AURKA: variants seen among roughly 807,000 people sequenced by gnomAD.
AURKA encodes aurora 2.
In AURKA, 12 loss-of-function variants were observed where a neutral mutation model predicts 40.9. The observed-to-expected ratio is 0.29, with a 90% confidence interval of 0.19 to 0.48. The LOEUF is 0.48. AURKA is among the 20% of genes least tolerant of loss of function. The pLI, the probability that AURKA is intolerant of heterozygous loss-of-function variation, is 0.99. For missense variants in AURKA, 322 were observed against 462.1 expected, an observed-to-expected ratio of 0.70 and a Z score of 2.78; for synonymous variants, 170 against 164.3, an observed-to-expected ratio of 1.03 and a Z score of -0.26.
chr20:56,387,967 C>G (rs1415834709), intron 2 of AURKA, among the ~76,000 whole-genome samples, 189 bp downstream of exon 2: 2 of 152,022 alleles, frequency 1.3e-5, no homozygotes, highest in Non-Finnish European at 2.9e-5. Context: ...TAAGACAAAG[C>G]AGAACAAAAA....
intron 3 of AURKA, 55 bp from the exon 4 acceptor site, chr20:56,384,379 A>C: frequency 7.6e-7 from 1 of 1,308,846 alleles, no homozygotes; most frequent in Non-Finnish European, 1.1e-6. Context: ...GGATAAGCTA[A>C]GCTGTGAATA....
chr20:56,384,357 A>G, intron 3 of AURKA, 33 bp from the exon 4 acceptor site: 9 of 1,491,034 alleles, frequency 6.0e-6, no homozygotes, highest in Non-Finnish European at 8.4e-6. Context: ...CTGTTTTTAG[A>G]ATAACTATAT....
At chr20:56,386,836 T>C (rs990395353) in intron 2 of AURKA, among the ~76,000 whole-genome samples, 26 of 152,198 alleles carry the variant, frequency 1.7e-4, no homozygotes, top group African/African-American at 6.0e-4. Flanking sequence ...AAATAGACAC[T>C]ACATTGCTAT....
At chr20:56,374,732 G>A (rs921579620) in intron 6 of AURKA, among the ~76,000 whole-genome samples, 5 of 151,918 alleles carry the variant, frequency 3.3e-5, no homozygotes, top group East Asian at 1.9e-4. Context: ...CACTGCACCC[G>A]ACCGAATTAC....
chr20:56,390,330 A>G (rs1447879321), intron 1 of AURKA, among the ~76,000 whole-genome samples: 1 of 142,458 alleles, frequency 7.0e-6, no homozygotes, highest in Non-Finnish European at 1.5e-5. Flanking sequence ...TTTTTGAGAT[A>G]GAGTTTGCTC....
intron 6 of AURKA, among the ~76,000 whole-genome samples, chr20:56,379,606 C>T (rs1384966077): frequency 1.3e-5 from 2 of 152,120 alleles, no homozygotes; most frequent in Non-Finnish European, 2.9e-5. Context: ...AGAAGTGGTT[C>T]GATTCTAGGA....
chr20:56,380,453 G>A (rs989421812), intron 6 of AURKA, among the ~76,000 whole-genome samples: 1 of 151,692 alleles, frequency 6.6e-6, no homozygotes, highest in African/African-American at 2.4e-5. Flanking sequence ...TAGCTCAAGA[G>A]ATAAAATAAA....
At chr20:56,378,359 C>A (rs1392281444) in intron 6 of AURKA, among the ~76,000 whole-genome samples, 1 of 152,192 alleles carries the variant, frequency 6.6e-6, no homozygotes, top group African/African-American at 2.4e-5. Context: ...ATAGACTCCA[C>A]TCATCTCCAA....
At chr20:56,377,440 A>G (rs1253640818) in intron 6 of AURKA, among the ~76,000 whole-genome samples, 1 of 152,206 alleles carries the variant, frequency 6.6e-6, no homozygotes, top group East Asian at 1.9e-4. Flanking sequence ...AAAAAGAGCA[A>G]AAGATTTCAA....
intron 1 of AURKA, among the ~76,000 whole-genome samples, chr20:56,389,322 C>G (rs138016681): frequency 6.6e-6 from 1 of 152,286 alleles, no homozygotes; most frequent in Non-Finnish European, 1.5e-5. Context: ...GCCCTAGTCT[C>G]TCCTTGGACT....
At chr20:56,390,390 C>T (rs2146222534) in intron 1 of AURKA, among the ~76,000 whole-genome samples, 1 of 152,006 alleles carries the variant, frequency 6.6e-6, no homozygotes, top group South Asian at 2.1e-4. Context: ...CACCCGCAAC[C>T]TCCACCTCCT....
intron 6 of AURKA, among the ~76,000 whole-genome samples, chr20:56,375,036 A>G (rs1984742656): frequency 6.6e-6 from 1 of 152,194 alleles, no homozygotes; most frequent in African/African-American, 2.4e-5. Flanking sequence ...CAACAAGAGT[A>G]AAATTCCGTC....
chr20:56,386,261 T>C lies in AURKA; in HGVS notation c.315A>G (p.Ala105=). 6.2e-7 allele frequency: 1 copy of C among 1,614,266 alleles called. No homozygotes were observed. Among genetic ancestry groups the C allele is most frequent in the Non-Finnish European group, 8.5e-7 (1 of 1,180,042 alleles). ...TQKSKQPLPS[A]PENNPEEELA... ...GAGTCTCAAAAGCTAGTTTACCAGG[T>C]GCCGATGGCAGGGGCTGCTTGCTCT... The change falls in exon 3 of 9, where the codon GCA becomes GCG. Residue 105 remains alanine (A), a synonymous_variant. Transcript: ENST00000395915.
intron 6 of AURKA, among the ~76,000 whole-genome samples, chr20:56,378,383 AAC>A (rs532695592): frequency 6.6e-6 from 1 of 152,180 alleles, no homozygotes; most frequent in Non-Finnish European, 1.5e-5. Context: ...TGCTTGGATC[AAC>A]ACTTTACCCT....
intron 7 of AURKA, 142 bp from the exon 8 acceptor site, chr20:56,370,801 A>T: frequency 2.2e-6 from 2 of 903,152 alleles, no homozygotes; most frequent in Non-Finnish European, 1.7e-6. Flanking sequence ...ACTATTATAA[A>T]TTCCCATAGG....
intron 1 of AURKA, 41 bp from the exon 2 acceptor site, chr20:56,388,243 C>A (rs1364771014): frequency 3.1e-6 from 5 of 1,591,438 alleles, no homozygotes; most frequent in Non-Finnish European, 4.3e-6. Context: ...AACAAAGCCA[C>A]CTGCTTAAAG....
chr20:56,372,533 TAAAAAAAA>T (rs10716404), intron 7 of AURKA, among the ~76,000 whole-genome samples: 158 of 121,650 alleles, frequency 1.3e-3, no homozygotes, highest in Middle Eastern at 4.3e-3. Flanking sequence ...ACAACCAGTT[TAAAAAAAA>T]AAAAAAAAAA....
chr20:56,378,139 C>T (rs1282816753), intron 6 of AURKA, among the ~76,000 whole-genome samples: 1 of 152,120 alleles, frequency 6.6e-6, no homozygotes, highest in Admixed American at 6.6e-5. Context: ...GTCTGGGCGA[C>T]AGTGAGACCT....
Position 56,370,192 on chromosome 20 carries a change from C to A in AURKA, c.1178G>T (p.Cys393Phe), listed in dbSNP as rs2146118896. 6.2e-7 allele frequency: 1 copy of A among 1,613,220 alleles called. No individual in the cohort carries two copies. The highest frequency in any genetic ancestry group is 8.5e-7 in the Non-Finnish European group (1 of 1,180,010). The change falls in exon 9 of 9, where the codon TGC (cysteine) becomes TTC (phenylalanine). Residue 393 changes from cysteine to phenylalanine, a missense_variant. By Grantham distance (205) the Cys-to-Phe change is radical. Coordinates refer to ENST00000395915, the MANE Select transcript of AURKA (RefSeq NM_198437.3). ...ITANSSKPSN[C>F]QNKESASKQS ...TTTGCTAGCTGATTCTTTGTTTTGG[C>A]AATTTGATGGTTTTGATGAATTTGC...
Sources: gnomAD v4.1 joint callset for allele counts (sites outside exome capture counted in the v4.1 genomes callset) on GRCh38, gnomAD v4.1.1 for gene constraint, MANE v1.5 for transcripts, NCBI Gene and HGNC (gene_info 2026-07-23, HGNC 2026-07-21) for gene names.